The following ADAMTSL5 variants were observed in gnomAD, a reference collection of about 807,000 sequenced individuals.
The protein encoded by ADAMTSL5 is ADAMTS-like protein 5.
A neutral mutation model predicts 51.7 loss-of-function variants in ADAMTSL5; 53 were observed. That is an observed-to-expected ratio of 1.03 (90% CI 0.82 to 1.29). The LOEUF (loss-of-function observed/expected upper bound fraction) is 1.29, where lower values mean the gene tolerates loss of function less well. Among genes scored for constraint, ADAMTSL5 ranks in the 50% most tolerant of loss-of-function variants. The pLI, the probability that ADAMTSL5 is intolerant of heterozygous loss-of-function variation, is 0.00. For missense variants in ADAMTSL5, 770 were observed against 676.2 expected (o/e 1.14, Z -1.54); for synonymous variants, 285 against 278.7 (o/e 1.02, Z -0.23).
chr19:1,508,701 G>C, intron 5 of ADAMTSL5, 131 bp from the exon 6 acceptor site: 2 of 1,319,272 alleles, frequency 1.5e-6, no homozygotes, highest in Non-Finnish European at 2.0e-6. Context: ...ACACATCGAG[G>C]CTGAGGCAGA....
Position 1,506,238 on chromosome 19 carries a change from T to C in ADAMTSL5, c.1193A>G (p.Lys398Arg). Reference sequence around the variant, plus strand: ...GCGTGCCCGCAGTGGCGAGCGGTTCTTGTAGACGAGCTGGATGCGCACCTC... The same window carrying C: ...GCGTGCCCGCAGTGGCGAGCGGTTCCTGTAGACGAGCTGGATGCGCACCTC... ...RYEVRIQLVY[K>R]NRSPLRAREY... The change falls in exon 12 of 12, where the codon AAG becomes AGG. Residue 398 changes from lysine (K) to arginine (R), a missense_variant. Physicochemically the swap from Lys to Arg is conservative, Grantham distance 26. Transcript: ENST00000330475. This position sits in a 1 kb window ranked among gnomAD's most constrained non-coding sequence, Gnocchi z 5.6. The C allele has an allele frequency of 1.3e-6, 2 of 1,589,250 alleles. No homozygotes were observed. Among genetic ancestry groups the C allele is most frequent in the African/African-American group, 1.3e-5 (1 of 74,580 alleles).
At position 1,506,060 on chromosome 19, in the gene ADAMTSL5, C is replaced by G. The variant is rs182451667; in HGVS notation, c.1371G>C (p.Ala457=). The G allele has an allele frequency of 6.3e-6, 10 of 1,592,774 alleles. No homozygotes were observed. The highest frequency in any genetic ancestry group is 8.5e-6 in the Non-Finnish European group (10 of 1,174,722). Residue 457 remains alanine, a synonymous_variant, in exon 12 of 12, where the codon GCG becomes GCC. Coordinates refer to ENST00000330475, the MANE Select transcript of ADAMTSL5 (RefSeq NM_213604.3). This position sits in a 1 kb window ranked among gnomAD's most constrained non-coding sequence, Gnocchi z 5.6. Reference sequence around the variant, plus strand: ...CAGTCAGGCGTATGCGGCTGTCCTCCGCAGGGCTCCAGGGCCGGGCGTAGC... The same window carrying G: ...CAGTCAGGCGTATGCGGCTGTCCTCGGCAGGGCTCCAGGGCCGGGCGTAGC... ...HAGYARPWSP[A]EDSRIRLTAR... is the part of the protein sequence containing the mutation.
At chr19:1,509,391 C>A (rs1338562595) in intron 5 of ADAMTSL5, among the ~76,000 whole-genome samples, 1 of 152,056 alleles carries the variant, frequency 6.6e-6, no homozygotes, top group African/African-American at 2.4e-5. Flanking sequence ...CCTCCCTGGG[C>A]CTCAGTTTCC....
At position 1,510,402 on chromosome 19, in the gene ADAMTSL5, C is replaced by A. The variant is rs755040266; in HGVS notation, c.218G>T (p.Gly73Val). 5 of 1,612,388 alleles carry A rather than the reference C, an allele frequency of 3.1e-6. No homozygotes were observed. Among genetic ancestry groups the A allele is most frequent in the Admixed American group, 1.7e-5 (1 of 59,948 alleles). Residue 73 changes from glycine to valine, a missense_variant, in exon 4 of 12, where the codon GGA becomes GTA. Coordinates refer to ENST00000330475, the MANE Select transcript of ADAMTSL5 (RefSeq NM_213604.3). ...LRLPGEEPCW[G>V]DSHEYRLCQL... ...GCAGAGGCGGTACTCATGGGAGTCT[C>A]CCCAGCACGGTTCTTCCCCAGGAAG... is the stretch of plus-strand genomic sequence containing the variant.
intron 1 of ADAMTSL5, chr19:1,511,838 C>T (rs2145517394): frequency 6.2e-6 from 2 of 323,236 alleles, no homozygotes. Flanking sequence ...GCAGGGAGTC[C>T]CCCGGATTGG....
intron 1 of ADAMTSL5, 21 bp from the exon 2 acceptor site, chr19:1,511,181 A>AGTTT (rs1276148524): frequency 1.7e-5 from 5 of 297,688 alleles, no homozygotes; most frequent in African/African-American, 1.1e-4. Context: ...TATTGTTGTT[A>AGTTT]GTTAGTTTGT....
rs2145513086 is a variant in ADAMTSL5, at chr19:1,510,661, CA to C, written c.168del (p.Val57CysfsTer153). The C allele has an allele frequency of 1.3e-6, 2 of 1,539,946 alleles. No homozygotes were observed. Among genetic ancestry groups the C allele is most frequent in the Non-Finnish European group, 1.8e-6 (2 of 1,142,154 alleles). ...RCSSSCGRGVSVRSRRCLRLP... is the reference protein window; with the variant it reads ...RCSSSCGRGVXVRSRRCLRLP... ...CACCGGAGGCAGCGCCGGCTGCGCACAGAGACGCCACGCCCGCAGGAGCTGG... is the reference window on the plus strand; with the variant it reads ...CACCGGAGGCAGCGCCGGCTGCGCACGAGACGCCACGCCCGCAGGAGCTGG... On this transcript the variant is annotated frameshift_variant, in exon 3 of 12. Transcript: ENST00000330475. LOFTEE classifies it high-confidence loss of function.
intron 3 of ADAMTSL5, 84 bp downstream of exon 3, chr19:1,510,555 T>G: frequency 6.8e-7 from 1 of 1,478,084 alleles, no homozygotes; most frequent in Non-Finnish European, 9.0e-7. Context: ...GCACAGCATG[T>G]GTGGGCAGGC....
intron 1 of ADAMTSL5, among the ~76,000 whole-genome samples, chr19:1,512,425 A>C (rs145135706): frequency 7.2e-5 from 11 of 152,194 alleles, no homozygotes; most frequent in Admixed American, 7.2e-4. Context: ...TCACGCCTGT[A>C]ATCCCAGCAC....
chr19:1,510,022 C>G (rs1157406643), intron 5 of ADAMTSL5, 128 bp downstream of exon 5: 13 of 736,438 alleles, frequency 1.8e-5, no homozygotes, highest in Non-Finnish European at 2.8e-5. Context: ...TTCACTAACT[C>G]CTACATATCC....
chr19:1,508,503 G>A lies in ADAMTSL5; in HGVS notation c.429C>T (p.Val143=). 1 of 1,587,366 alleles carries A rather than the reference G, an allele frequency of 6.3e-7. No individual in the cohort carries two copies. The highest frequency in any genetic ancestry group is 1.1e-5 in the South Asian group (1 of 88,594). Residue 143 remains valine, a synonymous_variant, in exon 6 of 12, where the codon GTC becomes GTT. Coordinates refer to ENST00000330475, the MANE Select transcript of ADAMTSL5 (RefSeq NM_213604.3). ...GHAFYHSFGR[V]LDGTACSPGA... ...CCGGGCTGCAGGCGGTGCCGTCCAG[G>A]ACGCGGCCGAAGCTGTGGTAGAAGG...
At chr19:1,508,202 G>C (rs1471629613) in intron 6 of ADAMTSL5, 93 bp from the exon 7 acceptor site, 4 of 1,396,700 alleles carry the variant, frequency 2.9e-6, no homozygotes, top group Non-Finnish European at 3.9e-6. Flanking sequence ...GACGAGGCCT[G>C]GAGGGAAGAT....
rs1020376639 is a variant in ADAMTSL5 at position 1,510,524 on chromosome 19, C to T, written c.192-96G>A. 6.6e-6 allele frequency: 10 copies of T among 1,503,794 alleles called. No homozygotes were observed. The East Asian group carries it at 7.4e-5, about 11-fold the overall frequency. 93.2% of individuals were successfully genotyped at this position (1,503,794 alleles called of 1,614,324 possible). A position where few individuals can be genotyped will look rare whatever the true frequency, so the allele number is the denominator to read the frequency against. ...CCCGCCAACCCCACCCGCATTCCAG[C>T]GGGATCAGGGGGATTAAAGGGCACA... On this transcript the variant is annotated intron_variant, in intron 3 of 11. Coordinates refer to ENST00000330475, the MANE Select transcript of ADAMTSL5 (RefSeq NM_213604.3).
chr19:1,507,939 A>T, intron 7 of ADAMTSL5, 59 bp downstream of exon 7: 1 of 1,514,874 alleles, frequency 6.6e-7, no homozygotes, highest in South Asian at 1.2e-5. Flanking sequence ...CTTCCGGGCC[A>T]CGGCTCGTTA....
chr19:1,507,005 C>A (rs973132912), intron 9 of ADAMTSL5, 77 bp from the exon 10 acceptor site: 7 of 1,439,258 alleles, frequency 4.9e-6, no homozygotes, highest in South Asian at 2.6e-5. Flanking sequence ...ACGACCCCAG[C>A]CTCCCCACTT....
At position 1,510,430 on chromosome 19, in the gene ADAMTSL5, T is replaced by A; in HGVS notation, c.192-2A>T. 6.2e-7 allele frequency: 1 copy of A among 1,609,780 alleles called. No individual in the cohort carries two copies. The highest frequency in any genetic ancestry group is 8.5e-7 in the Non-Finnish European group (1 of 1,179,058). The stretch of plus-strand genomic sequence containing the variant: ...CAGCACGGTTCTTCCCCAGGAAGCC[T>A]GAAGGGAGACAGAGTGTGGCGAGAA... On this transcript the variant is annotated splice_acceptor_variant, in intron 3 of 11. Transcript: ENST00000330475. LOFTEE classifies it high-confidence loss of function.
At chr19:1,510,464 G>A in intron 3 of ADAMTSL5, 36 bp from the exon 4 acceptor site, 2 of 1,577,754 alleles carry the variant, frequency 1.3e-6, no homozygotes, top group Non-Finnish European at 1.7e-6. Flanking sequence ...AACCCCCAGG[G>A]ACCCCCTCCC....
Position 1,510,894 on chromosome 19 carries a change from A to G in ADAMTSL5, c.50T>C (p.Leu17Pro). The G allele has an allele frequency of 3.3e-6, 5 of 1,521,918 alleles. No homozygotes were observed. Among genetic ancestry groups the G allele is most frequent in the South Asian group, 1.3e-5 (1 of 74,962 alleles). 94.3% of individuals were successfully genotyped at this position (1,521,918 alleles called of 1,614,324 possible). Reference sequence around the variant, plus strand: ...GTTCAGCAGGGCCCACAGGAAGAGCAGGAGGTTCTGGAAGAGGTGGGGCCT... The same window carrying G: ...GTTCAGCAGGGCCCACAGGAAGAGCGGGAGGTTCTGGAAGAGGTGGGGCCT... ...FPRPHLFQNLLLFLWALLNCG... is the reference protein window; with the variant it reads ...FPRPHLFQNLPLFLWALLNCG... Residue 17 changes from leucine to proline, a missense_variant, in exon 2 of 12, where the codon CTG becomes CCG. Transcript: ENST00000330475.
rs750641685 is a variant in ADAMTSL5, at chr19:1,508,108, C to A, written c.491G>T (p.Ser164Ile). The change falls in exon 7 of 12, where the codon AGC becomes ATC. Residue 164 changes from serine to isoleucine, a missense_variant and splice_region_variant. By Grantham distance (142) the Ser-to-Ile change is moderately radical. Transcript: ENST00000330475. ...QGVCVAGRCL[S>I]AGCDGLLGSG... ...GCCCAACAACCCATCACAGCCGGCG[C>A]TCTAAAGGGTGAAGGACAGGCGCGG... 47 of 1,607,794 alleles carry A rather than the reference C, an allele frequency of 2.9e-5. No homozygotes were observed. Among genetic ancestry groups the A allele is most frequent in the Non-Finnish European group, 3.7e-5 (44 of 1,177,722 alleles).
Sources: allele counts gnomAD v4.1 joint callset (sites outside exome capture counted in the v4.1 genomes callset), GRCh38; gene constraint gnomAD v4.1.1; non-coding constraint Gnocchi (gnomAD v3.1); transcripts MANE v1.5; gene names NCBI Gene and HGNC (gene_info 2026-07-23, HGNC 2026-07-21).